PCDH11X: variants seen among roughly 807,000 people sequenced by gnomAD.
PCDH11X encodes the protein protocadherin-11 X-linked.
Under a neutral mutation model 53.3 loss-of-function variants are expected in PCDH11X, and 18 were observed. The ratio of observed to expected loss-of-function variants is 0.34; its 90% CI spans 0.23 to 0.50. The LOEUF (loss-of-function observed/expected upper bound fraction) is 0.50. Ranked by LOEUF, PCDH11X falls within the 20% of genes least tolerant of loss-of-function variation. The probability of loss-of-function intolerance (pLI) is 0.98; values close to 1 mark genes in which losing one functional copy is unlikely to be tolerated. For missense variants in PCDH11X, 570 were observed against 1,032.4 expected, an observed-to-expected ratio of 0.55 and a Z score of 6.14; for synonymous variants, 279 against 393.3, an observed-to-expected ratio of 0.71 and a Z score of 3.44.
chrX:91,916,654 A>G (rs1941575127), intron 6 of PCDH11X, among the ~76,000 whole-genome samples: 1 of 109,991 alleles, frequency 9.1e-6, no homozygotes. Flanking sequence ...ACCAACAACA[A>G]GTAGCAAGAT....
chrX:92,432,442 C>T (rs1045063016), intron 9 of PCDH11X, among the ~76,000 whole-genome samples: 5 of 110,519 alleles, frequency 4.5e-5, no homozygotes, highest in Non-Finnish European at 9.5e-5. Flanking sequence ...TCAAAACCAC[C>T]TCTTCAAAAT....
At chrX:92,493,265 A>G (rs2073798798) in intron 10 of PCDH11X, among the ~76,000 whole-genome samples, 2 of 111,052 alleles carry the variant, frequency 1.8e-5, no homozygotes, top group Non-Finnish European at 3.8e-5. Context: ...CATTTTAGTA[A>G]GAACTTCAAA....
intron 8 of PCDH11X, among the ~76,000 whole-genome samples, chrX:92,382,858 C>G (rs1319878913): frequency 2.9e-5 from 3 of 104,355 alleles, no homozygotes; most frequent in African/African-American, 1.1e-4. Flanking sequence ...GGGCTACAGA[C>G]AGAAATTTGT....
At chrX:92,385,449 A>G (rs1263060881) in intron 8 of PCDH11X, among the ~76,000 whole-genome samples, 1 of 105,293 alleles carries the variant, frequency 9.5e-6, no homozygotes. Flanking sequence ...TAAATGCTTT[A>G]AATCTTAGAA....
At chrX:91,915,460 G>C (rs1045696035) in intron 6 of PCDH11X, among the ~76,000 whole-genome samples, 2 of 110,240 alleles carry the variant, frequency 1.8e-5, no homozygotes, top group African/African-American at 6.6e-5. Flanking sequence ...TAACACATAA[G>C]GACTCACATA....
intron 7 of PCDH11X, among the ~76,000 whole-genome samples, chrX:92,221,314 C>G (rs1011095475): frequency 4.7e-5 from 5 of 105,452 alleles, no homozygotes; most frequent in Non-Finnish European, 9.7e-5. Context: ...CACACACACA[C>G]ACACACACAC....
At chrX:92,037,766 G>T (rs2063148758) in intron 6 of PCDH11X, among the ~76,000 whole-genome samples, 1 of 111,018 alleles carries the variant, frequency 9.0e-6, no homozygotes, top group South Asian at 3.8e-4. Context: ...TCTCATTGTG[G>T]TTTCAATTTG....
chrX:92,522,481 C>T (rs894417171), intron 10 of PCDH11X, among the ~76,000 whole-genome samples: 8 of 110,662 alleles, frequency 7.2e-5, no homozygotes, highest in African/African-American at 2.3e-4. Context: ...ATAATGAAAA[C>T]GTTTGGAATA....
intron 10 of PCDH11X, among the ~76,000 whole-genome samples, chrX:92,534,980 C>G (rs1303774241): frequency 9.0e-6 from 1 of 111,508 alleles, no homozygotes; most frequent in East Asian, 2.8e-4. Flanking sequence ...GAGATACCAT[C>G]TCACACCAGT....
intron 8 of PCDH11X, among the ~76,000 whole-genome samples, chrX:92,339,380 C>T (rs775480342): frequency 1.8e-5 from 2 of 112,258 alleles, no homozygotes; most frequent in South Asian, 7.4e-4. Flanking sequence ...ACAACTAAGT[C>T]CTCTAAAGCA....
chrX:91,887,565 A>G (rs1306231939), intron 6 of PCDH11X, among the ~76,000 whole-genome samples: 2 of 112,083 alleles, frequency 1.8e-5, no homozygotes, highest in Non-Finnish European at 3.8e-5. Context: ...TTTGTTGTAG[A>G]AAAATCTAGA....
intron 6 of PCDH11X, among the ~76,000 whole-genome samples, chrX:92,186,594 C>T (rs190873352): frequency 0.014 from 1,392 of 98,871 alleles, 27 homozygotes; most frequent in African/African-American, 0.05. Context: ...CGCCATTGCA[C>T]TCCAGCCTGG....
intron 10 of PCDH11X, among the ~76,000 whole-genome samples, chrX:92,469,847 A>G (rs775762202): frequency 9.7e-6 from 1 of 102,842 alleles, no homozygotes; most frequent in African/African-American, 3.4e-5. Context: ...TGATTTCTCC[A>G]GTGTAGTTTT....
intron 5 of PCDH11X, among the ~76,000 whole-genome samples, chrX:91,843,624 ATTATG>A (rs1937566748): frequency 9.0e-6 from 1 of 110,891 alleles, no homozygotes; most frequent in African/African-American, 3.3e-5. Flanking sequence ...GGCCATATTT[ATTATG>A]TTATAAGAAC....
chrX:92,149,321 A>G (rs1287323070), intron 6 of PCDH11X, among the ~76,000 whole-genome samples: 1 of 109,859 alleles, frequency 9.1e-6, no homozygotes, highest in Non-Finnish European at 1.9e-5. Flanking sequence ...TACTGTGTCT[A>G]TATCAGAGAA....
chrX:92,250,986 T>C (rs2067450663), intron 7 of PCDH11X, among the ~76,000 whole-genome samples: 1 of 111,050 alleles, frequency 9.0e-6, no homozygotes, highest in Non-Finnish European at 1.9e-5. Flanking sequence ...TTTAAGTAGG[T>C]GAATTGTACG....
At chrX:92,010,821 G>A (rs778761631) in intron 6 of PCDH11X, among the ~76,000 whole-genome samples, 5 of 109,831 alleles carry the variant, frequency 4.6e-5, no homozygotes, top group South Asian at 4.0e-4. Context: ...AAATGATCCC[G>A]TCACCCAAGT....
chrX:92,522,446 A>G (rs2074384406), intron 10 of PCDH11X, among the ~76,000 whole-genome samples: 1 of 111,222 alleles, frequency 9.0e-6, no homozygotes, highest in African/African-American at 3.3e-5. Flanking sequence ...ATCCAAGGCC[A>G]CTAATCACCA....
At position 92,320,416 on chromosome X, in the gene PCDH11X, C is replaced by T. The variant is rs183560792; in HGVS notation, c.3144+57273C>T. 7.4e-5 allele frequency among the ~76,000 whole-genome samples: 8 copies of T among 107,920 alleles called. 1 individual carries two copies. Among genetic ancestry groups the T allele is most frequent in the African/African-American group, 2.7e-4 (8 of 29,957 alleles). 93.7% of individuals were successfully genotyped at this position (107,920 alleles called of 115,157 possible). A position where few individuals can be genotyped will look rare whatever the true frequency, so the allele number is the denominator to read the frequency against. On this transcript the variant is annotated intron_variant, in intron 8 of 10. Coordinates refer to ENST00000682573, the MANE Select transcript of PCDH11X (RefSeq NM_032968.5). ...ATGATCTCTCTCTCTCTCTTTCTTT[C>T]TCTCTCTCTCTCTCTGTCACACACA...
Sources: allele counts gnomAD v4.1 joint callset (sites outside exome capture counted in the v4.1 genomes callset), GRCh38; gene constraint gnomAD v4.1.1; transcripts MANE v1.5; gene names NCBI Gene and HGNC (gene_info 2026-07-23, HGNC 2026-07-21).